CNKSR2: variants seen among roughly 807,000 people sequenced by gnomAD.
CNKSR2 encodes CNK homolog protein 2.
A neutral mutation model predicts 84.4 loss-of-function variants in CNKSR2; 14 were observed. The observed-to-expected ratio is 0.17, with a 90% CI of 0.11 to 0.26. CNKSR2 has a LOEUF of 0.26. Ranked by LOEUF, CNKSR2 falls within the 10% of genes least tolerant of loss-of-function variation. CNKSR2 has a pLI of 1.00. For synonymous variants in CNKSR2, 275 were observed against 277.9 expected (o/e 0.99, Z 0.10); for missense variants, 485 against 771.2 (o/e 0.63, Z 4.40).
At chrX:21,395,064 A>G (rs1328710568) in intron 1 of CNKSR2, among the ~76,000 whole-genome samples, 1 of 111,975 alleles carries the variant, frequency 8.9e-6, no homozygotes, top group Non-Finnish European at 1.9e-5. Context: ...CAAGTTGTGT[A>G]GAATAGTTGT....
At chrX:21,588,476 CTT>C (rs2092401876) in intron 13 of CNKSR2, among the ~76,000 whole-genome samples, 3 of 112,167 alleles carry the variant, frequency 2.7e-5, no homozygotes, top group African/African-American at 6.5e-5. Context: ...TAAAATCTCT[CTT>C]AAGAGAACTT....
At chrX:21,474,732 A>G (rs1279643619) in intron 5 of CNKSR2, among the ~76,000 whole-genome samples, 1 of 112,007 alleles carries the variant, frequency 8.9e-6, no homozygotes, top group Non-Finnish European at 1.9e-5. Context: ...TCTAAGTGGC[A>G]ATCCAAATTT....
chrX:21,436,662 A>G (rs1041527023), intron 3 of CNKSR2, among the ~76,000 whole-genome samples: 1 of 111,548 alleles, frequency 9.0e-6, no homozygotes, highest in African/African-American at 3.3e-5. Context: ...CCTGAACTCT[A>G]CTTGAGGATT....
At chrX:21,388,340 GTT>G (rs2090001178) in intron 1 of CNKSR2, among the ~76,000 whole-genome samples, 1 of 112,387 alleles carries the variant, frequency 8.9e-6, no homozygotes, top group Non-Finnish European at 1.9e-5. Context: ...TAGGAGAAAT[GTT>G]AATGGACCAG....
intron 1 of CNKSR2, among the ~76,000 whole-genome samples, chrX:21,385,857 G>C (rs550333408): frequency 1.8e-5 from 2 of 109,794 alleles, no homozygotes; most frequent in South Asian, 7.9e-4. Flanking sequence ...TGAGATGTGC[G>C]TGTGCGCGTG....
In CNKSR2 at chrX:21,652,754, G is replaced by T; in HGVS notation, c.*233G>T. 2 of 306,356 alleles carry T rather than the reference G, an allele frequency of 6.5e-6. No individual in the cohort carries two copies. Among genetic ancestry groups the T allele is most frequent in the Middle Eastern group, 8.8e-4 (1 of 1,134 alleles). The allele number at this position is 306,356 out of a possible 1,213,427, so 25.2% of individuals were successfully genotyped here. Reference sequence around the variant, plus strand: ...ATGTGCAAAATCAACTGTCTTTAATGACTTAAAATTAACTTTTGCAAACAA... The same window carrying T: ...ATGTGCAAAATCAACTGTCTTTAATTACTTAAAATTAACTTTTGCAAACAA... On this transcript the variant is annotated 3_prime_UTR_variant, in exon 22 of 22. Transcript: ENST00000379510.
intron 1 of CNKSR2, among the ~76,000 whole-genome samples, chrX:21,408,419 G>A (rs1253190157): frequency 9.0e-6 from 1 of 111,513 alleles, no homozygotes; most frequent in Non-Finnish European, 1.9e-5. Flanking sequence ...ACACACCAGC[G>A]GAGAGCTTAC....
intron 11 of CNKSR2, among the ~76,000 whole-genome samples, chrX:21,559,861 T>A (rs2092172356): frequency 8.9e-6 from 1 of 111,985 alleles, no homozygotes; most frequent in African/African-American, 3.2e-5. Flanking sequence ...GGCTCATTAA[T>A]AATTTTATCA....
intron 20 of CNKSR2, among the ~76,000 whole-genome samples, chrX:21,616,050 A>G (rs1330542105): frequency 9.0e-6 from 1 of 111,627 alleles, no homozygotes; most frequent in Non-Finnish European, 1.9e-5. Flanking sequence ...ATTTACTGAA[A>G]TGTTTATTTA....
intron 3 of CNKSR2, among the ~76,000 whole-genome samples, chrX:21,435,372 C>T (rs948396637): frequency 1.8e-5 from 2 of 110,793 alleles, no homozygotes; most frequent in Non-Finnish European, 1.9e-5. Flanking sequence ...ATGTTTAGGG[C>T]GTAATAGTGT....
In CNKSR2 at chrX:21,384,152, G is replaced by A. The variant is rs780686121; in HGVS notation, c.64+9191G>A. Among the ~76,000 whole-genome samples the A allele has an allele frequency of 4.5e-5, 5 of 111,789 alleles. No homozygotes were observed. In the South Asian group the frequency reaches 1.9e-3, roughly 42 times the overall value. ...GATTTTGCTCATGATGCTCAAAACA[G>A]ACATATAGTAGTCCAGTGGCTAGTT... On this transcript the variant is annotated intron_variant, in intron 1 of 21. Coordinates refer to ENST00000379510, the MANE Select transcript of CNKSR2 (RefSeq NM_014927.5).
chrX:21,631,246 G>A (rs967240404), intron 20 of CNKSR2, among the ~76,000 whole-genome samples: 1 of 110,699 alleles, frequency 9.0e-6, no homozygotes, highest in African/African-American at 3.3e-5. Flanking sequence ...TTGAGGATGG[G>A]AGGTTGAGCC....
rs960246612 is a variant in CNKSR2 at position 21,374,441 on chromosome X, C to A, written c.-457C>A. On this transcript the variant is annotated 5_prime_UTR_variant, in exon 1 of 22. Transcript: ENST00000379510. ...TCGTCATTTCCGCCGGGCAGCTAGT[C>A]GTGCTCGGGGCTTCACTCCCGCGCG... The A allele has an allele frequency of 1.0e-5, 3 of 300,482 alleles. No individual in the cohort carries two copies. The highest frequency in any genetic ancestry group is 1.7e-5 in the Non-Finnish European group (3 of 171,602). 24.8% of individuals were successfully genotyped at this position (300,482 alleles called of 1,213,427 possible).
intron 9 of CNKSR2, among the ~76,000 whole-genome samples, chrX:21,520,806 G>C (rs1413802016): frequency 9.2e-6 from 1 of 108,752 alleles, no homozygotes; most frequent in Admixed American, 9.9e-5. Context: ...ACATCAAGCT[G>C]TAACATTATA....
intron 4 of CNKSR2, among the ~76,000 whole-genome samples, chrX:21,444,747 T>C (rs1218937910): frequency 9.2e-6 from 1 of 109,045 alleles, no homozygotes; most frequent in Non-Finnish European, 1.9e-5. Context: ...AAGATCTCAT[T>C]TCTAAAATGT....
chrX:21,539,422 T>A (rs1601920035), intron 11 of CNKSR2, among the ~76,000 whole-genome samples: 1 of 112,082 alleles, frequency 8.9e-6, no homozygotes, highest in East Asian at 2.8e-4. Flanking sequence ...CTTATTTTGT[T>A]GAATTGTCTG....
rs751194124 is a variant in CNKSR2, at chrX:21,451,347, G to T, written c.519+10566G>T. On this transcript the variant is annotated intron_variant, in intron 4 of 21. Transcript: ENST00000379510. The stretch of plus-strand genomic sequence containing the variant: ...ATTTGACCCAGCCATCCCATTACTG[G>T]GTATATATCCAAAGGACTATAAATC... Among the ~76,000 whole-genome samples the T allele has an allele frequency of 4.4e-4, 49 of 110,711 alleles. 2 individuals carry two copies. The highest frequency in any genetic ancestry group is 1.3e-3 in the African/African-American group (39 of 30,446).
rs1555910388 is a variant in CNKSR2 at position 21,374,593 on chromosome X, A to AGGC, written c.-304_-302dup. On this transcript the variant is annotated 5_prime_UTR_variant, in exon 1 of 22. Coordinates refer to ENST00000379510, the MANE Select transcript of CNKSR2 (RefSeq NM_014927.5). ...GACGGAGACCGGAGCGGAGCGGCGGAGGCAGCAGCAGCAGCAGCAGCAGCA... is the reference window on the plus strand; with the variant it reads ...GACGGAGACCGGAGCGGAGCGGCGGAGGCGGCAGCAGCAGCAGCAGCAGCAGCA... 3.4e-5 allele frequency: 15 copies of AGGC among 445,160 alleles called. No homozygotes were observed. Among genetic ancestry groups the AGGC allele is most frequent in the Non-Finnish European group, 4.3e-5 (11 of 253,371 alleles). 36.7% of individuals were successfully genotyped at this position (445,160 alleles called of 1,213,427 possible).
At chrX:21,651,416 C>T (rs1394039578) in intron 21 of CNKSR2, among the ~76,000 whole-genome samples, 1 of 111,356 alleles carries the variant, frequency 9.0e-6, no homozygotes, top group Non-Finnish European at 1.9e-5. Context: ...CAGATCCCAC[C>T]ACAGGCAACT....
Sources: gnomAD v4.1 joint callset for allele counts (sites outside exome capture counted in the v4.1 genomes callset) on GRCh38, gnomAD v4.1.1 for gene constraint, MANE v1.5 for transcripts, NCBI Gene and HGNC (gene_info 2026-07-23, HGNC 2026-07-21) for gene names.